FKBP5: variants seen among roughly 807,000 people sequenced by gnomAD.
FKBP5 encodes FKBP prolyl isomerase 5.
Under a neutral mutation model 50.5 loss-of-function variants are expected in FKBP5, and 23 were observed. The observed-to-expected ratio is 0.46, with a 90% CI of 0.33 to 0.65. The LOEUF (loss-of-function observed/expected upper bound fraction) is 0.65. Ranked by LOEUF, FKBP5 falls within the 30% of genes least tolerant of loss-of-function variation. The pLI is 0.02. For missense variants in FKBP5, 411 were observed against 553.1 expected, an observed-to-expected ratio of 0.74 and a Z score of 2.58; for synonymous variants, 176 against 190.6, an observed-to-expected ratio of 0.92 and a Z score of 0.63.
At chr6:35,695,828 C>A (rs889703596) in intron 2 of FKBP5, among the ~76,000 whole-genome samples, 4 of 152,110 alleles carry the variant, frequency 2.6e-5, no homozygotes, top group Admixed American at 2.0e-4. Context: ...TAGAAAACAA[C>A]AAACATTGTT....
chr6:35,584,656 TGC>T (rs1383766270), intron 8 of FKBP5: 21 of 985,444 alleles, frequency 2.1e-5, no homozygotes, highest in Non-Finnish European at 2.3e-5. Context: ...ATTATAAAGG[TGC>T]CTCCAGGGAA....
intron 1 of FKBP5, among the ~76,000 whole-genome samples, chr6:35,687,060 T>C (rs1765847142): frequency 6.6e-6 from 1 of 152,200 alleles, no homozygotes; most frequent in Non-Finnish European, 1.5e-5. Flanking sequence ...TGTAATTACC[T>C]AGGCAAATAA....
chr6:35,595,077 G>A (rs1561849327), intron 6 of FKBP5, among the ~76,000 whole-genome samples: 1 of 152,164 alleles, frequency 6.6e-6, no homozygotes, highest in Non-Finnish European at 1.5e-5. Flanking sequence ...AACTTTATGA[G>A]ATGGATACTG....
intron 3 of FKBP5, among the ~76,000 whole-genome samples, chr6:35,625,925 G>A (rs1370500207): frequency 4.6e-5 from 7 of 151,364 alleles, no homozygotes; most frequent in Non-Finnish European, 8.8e-5. Flanking sequence ...GACTACAGGC[G>A]CTAGCCACCA....
intron 1 of FKBP5, among the ~76,000 whole-genome samples, chr6:35,677,038 G>A (rs566441935): frequency 2.0e-5 from 3 of 152,258 alleles, no homozygotes; most frequent in East Asian, 1.9e-4. Flanking sequence ...AGAGTGTCAC[G>A]TCATTTTCAG....
intron 2 of FKBP5, among the ~76,000 whole-genome samples, chr6:35,706,766 C>T (rs1041798848): frequency 5.9e-5 from 9 of 152,286 alleles, no homozygotes; most frequent in Middle Eastern, 3.4e-3. Flanking sequence ...ATATATACAA[C>T]GATGTTCTCT....
At chr6:35,701,464 C>T (rs564307411) in intron 2 of FKBP5, among the ~76,000 whole-genome samples, 4 of 151,746 alleles carry the variant, frequency 2.6e-5, no homozygotes, top group East Asian at 1.9e-4. Context: ...GGGATGGTCT[C>T]GATCTCCTGA....
At chr6:35,619,969 C>G (rs1763782037) in intron 4 of FKBP5, among the ~76,000 whole-genome samples, 163 bp downstream of exon 4, 1 of 152,064 alleles carries the variant, frequency 6.6e-6, no homozygotes, top group Admixed American at 6.6e-5. Flanking sequence ...GCACGCGCAC[C>G]CTTGGGTTTG....
chr6:35,609,267 G>C (rs192088158), intron 5 of FKBP5, among the ~76,000 whole-genome samples: 1 of 151,358 alleles, frequency 6.6e-6, no homozygotes, highest in African/African-American at 2.4e-5. Flanking sequence ...TATTTTTTTC[G>C]AAAAGAATAT....
intron 6 of FKBP5, among the ~76,000 whole-genome samples, chr6:35,591,857 C>A (rs1038550222): frequency 6.6e-6 from 1 of 152,100 alleles, no homozygotes; most frequent in Non-Finnish European, 1.5e-5. Context: ...GTTCTGACAC[C>A]TCCTCTAGAG....
intron 1 of FKBP5, among the ~76,000 whole-genome samples, chr6:35,673,943 T>A (rs887293542): frequency 9.2e-5 from 14 of 152,188 alleles, no homozygotes; most frequent in Admixed American, 1.3e-4. Context: ...CTGTGGATCT[T>A]GAGCATATGC....
At chr6:35,638,414 C>T (rs569697372) in intron 2 of FKBP5, among the ~76,000 whole-genome samples, 83 of 152,188 alleles carry the variant, frequency 5.5e-4, no homozygotes, top group African/African-American at 2.0e-3. Flanking sequence ...AAAGCCCAAA[C>T]ATCTTTATTT....
chr6:35,624,497 A>T (rs890883352), intron 3 of FKBP5, among the ~76,000 whole-genome samples: 45 of 151,092 alleles, frequency 3.0e-4, no homozygotes, highest in Non-Finnish European at 4.9e-4. Flanking sequence ...AAGAAAAAAA[A>T]TTTTTTTTTT....
chr6:35,666,275 T>C (rs957447258), intron 1 of FKBP5, among the ~76,000 whole-genome samples: 1 of 151,504 alleles, frequency 6.6e-6, no homozygotes, highest in Non-Finnish European at 1.5e-5. Context: ...TTTCCCAATA[T>C]CTACTGAAAG....
intron 3 of FKBP5, among the ~76,000 whole-genome samples, chr6:35,620,883 A>C (rs897391203): frequency 2.0e-5 from 3 of 152,240 alleles, no homozygotes; most frequent in African/African-American, 7.2e-5. Flanking sequence ...TGCCTAATTT[A>C]TCATTTCAAC....
At chr6:35,602,360 T>C (rs1763171556) in intron 5 of FKBP5, among the ~76,000 whole-genome samples, 1 of 152,068 alleles carries the variant, frequency 6.6e-6, no homozygotes, top group African/African-American at 2.4e-5. Context: ...ATTATAGTAG[T>C]TGGTGTCTGA....
intron 3 of FKBP5, among the ~76,000 whole-genome samples, 169 bp downstream of exon 3, chr6:35,636,845 G>C: frequency 6.6e-6 from 1 of 152,062 alleles, no homozygotes; most frequent in South Asian, 2.1e-4. Context: ...AATGACATTT[G>C]GGACCCCCTA....
intron 3 of FKBP5, among the ~76,000 whole-genome samples, chr6:35,625,998 C>T (rs1469678119): frequency 6.6e-6 from 1 of 151,702 alleles, no homozygotes; most frequent in Non-Finnish European, 1.5e-5. Context: ...CCAGGATGGT[C>T]TCGATCTCCT....
At chr6:35,652,794 C>T (rs895667132) in intron 1 of FKBP5, among the ~76,000 whole-genome samples, 7 of 152,128 alleles carry the variant, frequency 4.6e-5, no homozygotes, top group South Asian at 2.1e-4. Flanking sequence ...CACAACTATT[C>T]GCACACTCCC....
Sources: allele counts gnomAD v4.1 joint callset (sites outside exome capture counted in the v4.1 genomes callset), GRCh38; gene constraint gnomAD v4.1.1; transcripts MANE v1.5; gene names NCBI Gene and HGNC (gene_info 2026-07-23, HGNC 2026-07-21).